The following LRRC53 variants were observed in gnomAD, a reference collection of about 807,000 sequenced individuals.
LRRC53 encodes leucine rich repeat containing 53.
LRRC53 carries 25 observed loss-of-function variants against 13.6 expected under a neutral mutation model. That is an observed-to-expected ratio of 1.83 (90% CI 1.34 to 2.56). LRRC53 has a LOEUF of 2.56. Among genes scored for constraint, LRRC53 ranks in the 30% most tolerant of loss-of-function variants. LRRC53 has a pLI of 0.00. For missense variants in LRRC53, 527 were observed against 275.8 expected, an observed-to-expected ratio of 1.91 and a Z score of -6.45; for synonymous variants, 204 against 109.8, an observed-to-expected ratio of 1.86 and a Z score of -5.37.
the LRRC53 span, among the ~76,000 whole-genome samples, chr1:74,526,821 A>C: frequency 6.6e-6 from 1 of 152,200 alleles, no homozygotes; most frequent in Non-Finnish European, 1.5e-5. Flanking sequence ...GACACTCTAA[A>C]GAAGAGATTG....
chr1:74,481,834 A>C (rs1269503315), intron 2 of LRRC53, among the ~76,000 whole-genome samples: 1 of 152,208 alleles, frequency 6.6e-6, no homozygotes, highest in African/African-American at 2.4e-5. Flanking sequence ...TGTCATAAGG[A>C]TAGAGGAGTC....
chr1:74,526,815 C>A, the LRRC53 span, among the ~76,000 whole-genome samples: 1 of 151,978 alleles, frequency 6.6e-6, no homozygotes, highest in Non-Finnish European at 1.5e-5. Context: ...TTATCTGACA[C>A]TCTAAAGAAG....
chr1:74,477,634 C>T (rs1031637385), intron 3 of LRRC53, among the ~76,000 whole-genome samples: 2 of 152,120 alleles, frequency 1.3e-5, no homozygotes, highest in Admixed American at 6.5e-5. Context: ...ACAGTTTCTC[C>T]TCTAATTGTG....
intron 4 of LRRC53, among the ~76,000 whole-genome samples, chr1:74,474,527 T>TA (rs1668097047): frequency 6.6e-6 from 1 of 152,198 alleles, no homozygotes; most frequent in South Asian, 2.1e-4. Flanking sequence ...CTGTCATTCA[T>TA]ACTCTTAGAG....
rs1668423508 is a variant in LRRC53, at chr1:74,480,338, A to C, written c.719T>G (p.Leu240Arg). ...RNYIKSSAHT[L>R]RNAKDLNCQP... ...GCAATTTAGGTCCTTGGCATTCCTG[A>C]GCGTGTGAGCAGAAGACTTAATGTA... is the stretch of plus-strand genomic sequence containing the variant. Residue 240 changes from leucine to arginine, a missense_variant, in exon 3 of 5, where the codon CTC becomes CGC. Leu to Arg is a moderately radical substitution (Grantham distance 102). Transcript: ENST00000294635. The C allele has an allele frequency of 4.2e-6, 3 of 717,662 alleles. No individual in the cohort carries two copies. Among genetic ancestry groups the C allele is most frequent in the Non-Finnish European group, 7.8e-6 (3 of 385,168 alleles). 44.5% of individuals were successfully genotyped at this position (717,662 alleles called of 1,614,324 possible). A position where few individuals can be genotyped will look rare whatever the true frequency, so the allele number is the denominator to read the frequency against.
At chr1:74,473,640 A>G (rs1052027349) in intron 4 of LRRC53, among the ~76,000 whole-genome samples, 33 of 152,034 alleles carry the variant, frequency 2.2e-4, no homozygotes, top group Admixed American at 2.1e-3. Context: ...TCCATCTCCA[A>G]TTTTCCCCAA....
the LRRC53 span, among the ~76,000 whole-genome samples, chr1:74,522,525 C>T: frequency 6.6e-6 from 1 of 152,000 alleles, no homozygotes; most frequent in South Asian, 2.1e-4. Context: ...TATAGAAGAC[C>T]TACTCCTGAG....
chr1:74,470,037 C>A lies in LRRC53; in HGVS notation c.3585G>T (p.Ala1195=). The A allele has an allele frequency of 2.5e-6, 1 of 400,656 alleles. No individual in the cohort carries two copies. The allele number at this position is 400,656 out of a possible 1,614,324, so 24.8% of individuals were successfully genotyped here. The change falls in exon 5 of 5, where the codon GCG becomes GCT. Residue 1195 remains alanine (A), a synonymous_variant. Coordinates refer to ENST00000294635, the MANE Select transcript of LRRC53 (RefSeq NM_001382280.1). The part of the protein sequence containing the change: ...EGAMTVETHE[A]LSFLPGLKDS... ...CTTTTAACCCTGGTAAGAAGGAAAG[C>A]GCTTCATGTGTCTCCACTGTCATTG...
intron 4 of LRRC53, among the ~76,000 whole-genome samples, chr1:74,474,853 C>T (rs1668111794): frequency 6.6e-6 from 1 of 151,978 alleles, no homozygotes; most frequent in Admixed American, 6.6e-5. Context: ...AAATGAATCA[C>T]TAGCATTAGA....
intron 1 of LRRC53, among the ~76,000 whole-genome samples, chr1:74,503,905 T>C (rs1272542176): frequency 6.6e-6 from 1 of 152,204 alleles, no homozygotes; most frequent in Non-Finnish European, 1.5e-5. Context: ...GTGTTTGGTA[T>C]ACCTCATTAT....
the LRRC53 span, among the ~76,000 whole-genome samples, chr1:74,535,831 C>A: frequency 1.3e-5 from 2 of 152,136 alleles, no homozygotes; most frequent in East Asian, 3.8e-4. Context: ...TCTAACCACT[C>A]GTCATCTGGA....
intron 1 of LRRC53, among the ~76,000 whole-genome samples, chr1:74,494,566 T>G (rs1669236517): frequency 6.6e-6 from 1 of 152,212 alleles, no homozygotes; most frequent in Admixed American, 6.5e-5. Context: ...TCTGTTCTTA[T>G]TCTCTACTTG....
At chr1:74,502,429 C>T (rs1424604239) in intron 1 of LRRC53, among the ~76,000 whole-genome samples, 1 of 152,148 alleles carries the variant, frequency 6.6e-6, no homozygotes, top group Non-Finnish European at 1.5e-5. Context: ...ATAATGTAAG[C>T]AATGCATATA....
chr1:74,505,550 A>G (rs1426568851), intron 1 of LRRC53, among the ~76,000 whole-genome samples: 1 of 151,536 alleles, frequency 6.6e-6, no homozygotes, highest in Non-Finnish European at 1.5e-5. Flanking sequence ...TTCCTCATGG[A>G]TTGTTTTTTC....
At chr1:74,516,137 T>C (rs1473250019), upstream of LRRC53, among the ~76,000 whole-genome samples, 2 of 152,222 alleles carry the variant, frequency 1.3e-5, no homozygotes, top group Non-Finnish European at 2.9e-5. Context: ...CCTGTTCTTA[T>C]TGATAATAAC....
intron 1 of LRRC53, among the ~76,000 whole-genome samples, chr1:74,500,315 A>C (rs1208406977): frequency 6.6e-6 from 1 of 151,852 alleles, no homozygotes; most frequent in Admixed American, 6.6e-5. Flanking sequence ...TTCTAGTATC[A>C]TTTTTCTTTT....
In LRRC53 at chr1:74,481,084, A is replaced by T. The variant is rs183202018; in HGVS notation, c.89-116T>A. ...GCAATCTTATCACCTGGGTAAAAACAATAAACAATACAAAAAATGAAAATG... is the reference window on the plus strand; with the variant it reads ...GCAATCTTATCACCTGGGTAAAAACTATAAACAATACAAAAAATGAAAATG... On this transcript the variant is annotated intron_variant, in intron 2 of 4. Coordinates refer to ENST00000294635, the MANE Select transcript of LRRC53 (RefSeq NM_001382280.1). 8.7e-5 allele frequency: 51 copies of T among 586,992 alleles called. No homozygotes were observed. The African/African-American group carries it at 8.7e-4, about 10-fold the overall frequency. 36.4% of individuals were successfully genotyped at this position (586,992 alleles called of 1,614,324 possible).
rs1668420130 is a variant in LRRC53, at chr1:74,480,282, G to T, written c.775C>A (p.Gln259Lys). 1.4e-6 allele frequency: 1 copy of T among 717,424 alleles called. No individual in the cohort carries two copies. Among genetic ancestry groups the T allele is most frequent in the Non-Finnish European group, 2.6e-6 (1 of 385,100 alleles). The allele number at this position is 717,424 out of a possible 1,614,324, so 44.4% of individuals were successfully genotyped here. ...GTCTCAGACAGCCTCAGCACACTCT[G>T]TGCAGCTGCCACAGCTGCGGTAGAT... The part of the protein sequence containing the change: ...QPSTAAVAAA[Q>K]SVLRLSETNC... The change falls in exon 3 of 5, where the codon CAG becomes AAG. Residue 259 changes from glutamine (Q) to lysine (K), a missense_variant. Coordinates refer to ENST00000294635, the MANE Select transcript of LRRC53 (RefSeq NM_001382280.1).
At chr1:74,485,382 C>A (rs1476642329) in intron 1 of LRRC53, among the ~76,000 whole-genome samples, 1 of 152,126 alleles carries the variant, frequency 6.6e-6, no homozygotes, top group Non-Finnish European at 1.5e-5. Context: ...GTTAGTCGGC[C>A]TCATGGATGT....
Sources: allele counts gnomAD v4.1 joint callset (sites outside exome capture counted in the v4.1 genomes callset), GRCh38; gene constraint gnomAD v4.1.1; transcripts MANE v1.5; gene names NCBI Gene and HGNC (gene_info 2026-07-23, HGNC 2026-07-21).